The following TMF1 variants were observed in gnomAD, a reference collection of about 807,000 sequenced individuals.
The protein encoded by TMF1 is TATA element modulatory factor 1.
Under a neutral mutation model 126.5 loss-of-function variants are expected in TMF1, and 71 were observed. That is an observed-to-expected ratio of 0.56 (90% CI 0.46 to 0.68). The LOEUF (loss-of-function observed/expected upper bound fraction) is 0.68, where lower values mean the gene tolerates loss of function less well. Ranked by LOEUF, TMF1 falls within the 30% of genes least tolerant of loss-of-function variation. The probability of loss-of-function intolerance (pLI) is 0.00; values close to 1 mark genes in which losing one functional copy is unlikely to be tolerated. For synonymous variants in TMF1, 461 were observed against 430.5 expected (o/e 1.07, Z -0.88); for missense variants, 1,259 against 1,253.2 (o/e 1.00, Z -0.07).
In TMF1 at chr3:69,023,249, T is replaced by C. The variant is rs531572515; in HGVS notation, c.3210A>G (p.Arg1070=). ...GEKAEEAEEL[R]LDLEDVKNMY... ...TATTTTTTACATCTTCGAGATCTAA[T>C]CGAAGTTCTTCTGCCTCTTCTGCTT... The change falls in exon 17 of 17, where the codon CGA becomes CGG. Residue 1070 remains arginine, a synonymous_variant. Coordinates refer to ENST00000398559, the MANE Select transcript of TMF1 (RefSeq NM_007114.3). 6.2e-7 allele frequency: 1 copy of C among 1,611,964 alleles called. No individual in the cohort carries two copies. Among genetic ancestry groups the C allele is most frequent in the Non-Finnish European group, 8.5e-7 (1 of 1,178,600 alleles).
In TMF1 at chr3:69,023,203, CATCT is replaced by C; in HGVS notation, c.3252_3255del (p.Ile1084MetfsTer4). The C allele has an allele frequency of 1.2e-6, 2 of 1,610,574 alleles. No individual in the cohort carries two copies. The highest frequency in any genetic ancestry group is 1.1e-5 in the South Asian group (1 of 90,744). On this transcript the variant is annotated frameshift_variant, in exon 17 of 17. Coordinates refer to ENST00000398559, the MANE Select transcript of TMF1 (RefSeq NM_007114.3). LOFTEE classifies it high-confidence loss of function. ...TAACTGAGACTTTGTCTTAAAAGTT[CATCT>C]ATTTGAGTTTTGTACATATTTTTTA...
Position 69,022,763 on chromosome 3 carries a change from A to C in TMF1, c.*414T>G, listed in dbSNP as rs1012426730. The C allele has an allele frequency of 6.6e-6, 1 of 152,630 alleles. No individual in the cohort carries two copies. Among genetic ancestry groups the C allele is most frequent in the Non-Finnish European group, 1.5e-5 (1 of 68,102 alleles). 9.5% of individuals were successfully genotyped at this position (152,630 alleles called of 1,614,324 possible). ...AAATTTTAAATGTGAAAGATTTCAA[A>C]GTTTCAGTATGTTAACATTACTCTT... On this transcript the variant is annotated 3_prime_UTR_variant, in exon 17 of 17. Transcript: ENST00000398559.
In TMF1 at chr3:69,029,919, G is replaced by A. The variant is rs777921802; in HGVS notation, c.2490C>T (p.Ser830=). The change falls in exon 11 of 17, where the codon TCC becomes TCT. Residue 830 remains serine, a synonymous_variant. Transcript: ENST00000398559. The part of the protein sequence containing the change: ...ELLANKIQMS[S]MESQNSLLRQ... ...TTAAAAGAGAATTCTGTGACTCCAT[G>A]GAAGACATCTGAATTTTGTTAGCAA... The A allele has an allele frequency of 1.9e-6, 3 of 1,614,078 alleles. No homozygotes were observed. The highest frequency in any genetic ancestry group is 2.5e-6 in the Non-Finnish European group (3 of 1,179,984).
intron 8 of TMF1, among the ~76,000 whole-genome samples, chr3:69,037,743 T>C (rs2107463074): frequency 6.6e-6 from 1 of 151,958 alleles, no homozygotes; most frequent in East Asian, 1.9e-4. Flanking sequence ...GAGGCAGAGG[T>C]TGCAGTGAGC....
At chr3:69,028,039 T>G in intron 12 of TMF1, 47 bp from the exon 13 acceptor site, 1 of 1,256,210 alleles carries the variant, frequency 8.0e-7, no homozygotes, top group Non-Finnish European at 1.2e-6. Context: ...TAGTAATTCA[T>G]GCCATGATAA....
intron 9 of TMF1, 77 bp from the exon 10 acceptor site, chr3:69,033,781 A>G (rs2107460400): frequency 1.5e-6 from 2 of 1,297,760 alleles, no homozygotes; most frequent in Non-Finnish European, 2.1e-6. Context: ...CTGAACTTTG[A>G]GAGGTTCCTG....
intron 15 of TMF1, chr3:69,025,340 T>C (rs1319908965): frequency 4.5e-6 from 2 of 447,404 alleles, no homozygotes; most frequent in African/African-American, 2.0e-5. Context: ...CAGCCGAATA[T>C]GCCTAATTCT....
intron 1 of TMF1, among the ~76,000 whole-genome samples, chr3:69,050,861 C>T (rs1314032680): frequency 6.6e-6 from 1 of 152,130 alleles, no homozygotes; most frequent in African/African-American, 2.4e-5. Context: ...GGTTCACATC[C>T]CCCAACACCA....
chr3:69,029,042 A>AC (rs549176751), intron 11 of TMF1, among the ~76,000 whole-genome samples: 3 of 146,238 alleles, frequency 2.1e-5, no homozygotes, highest in Non-Finnish European at 4.5e-5. Context: ...TACTTTATTT[A>AC]TTTTTTTTTT....
chr3:69,035,272 T>C, intron 8 of TMF1, 157 bp from the exon 9 acceptor site: 1 of 607,610 alleles, frequency 1.6e-6, no homozygotes, highest in Non-Finnish European at 2.9e-6. Flanking sequence ...CTCTCATTCA[T>C]CAAGCAATTC....
chr3:69,037,577 G>C (rs1017590618), intron 8 of TMF1, among the ~76,000 whole-genome samples: 1 of 152,156 alleles, frequency 6.6e-6, no homozygotes. Context: ...GGGAGGTGGA[G>C]GTTGCAATGA....
chr3:69,044,084 A>G (rs1293784558), intron 3 of TMF1, among the ~76,000 whole-genome samples: 1 of 152,226 alleles, frequency 6.6e-6, no homozygotes, highest in Non-Finnish European at 1.5e-5. Flanking sequence ...AATCTGTTAG[A>G]AAGAGAAAAT....
chr3:69,044,680 A>G (rs2091885837), intron 2 of TMF1, 85 bp from the exon 3 acceptor site: 6 of 785,124 alleles, frequency 7.6e-6, no homozygotes, highest in Non-Finnish European at 8.3e-6. Flanking sequence ...TGTAACAAAG[A>G]AAACAGCTTT....
intron 9 of TMF1, among the ~76,000 whole-genome samples, chr3:69,034,173 C>G (rs2091820061): frequency 6.6e-6 from 1 of 152,108 alleles, no homozygotes; most frequent in South Asian, 2.1e-4. Flanking sequence ...AATACAGTAT[C>G]TAAATAAGTA....
At chr3:69,041,106 T>G (rs2091861928) in intron 5 of TMF1, among the ~76,000 whole-genome samples, 1 of 152,106 alleles carries the variant, frequency 6.6e-6, no homozygotes, top group Admixed American at 6.6e-5. Flanking sequence ...AATTACAAAA[T>G]AATAACATTC....
Position 69,022,978 on chromosome 3 carries a change from A to G in TMF1, c.*199T>C. 2 of 451,322 alleles carry G rather than the reference A, an allele frequency of 4.4e-6. No homozygotes were observed. Among genetic ancestry groups the G allele is most frequent in the Non-Finnish European group, 7.7e-6 (2 of 261,030 alleles). 28.0% of individuals were successfully genotyped at this position (451,322 alleles called of 1,614,324 possible). On this transcript the variant is annotated 3_prime_UTR_variant, in exon 17 of 17. Coordinates refer to ENST00000398559, the MANE Select transcript of TMF1 (RefSeq NM_007114.3). ...AAATAAATCTTTAAAGAATAGTTTC[A>G]AAAATAAAGTTCAAATATTGCACAA...
At chr3:69,035,259 CAT>C (rs1389386371) in intron 8 of TMF1, 144 bp from the exon 9 acceptor site, 3 of 629,034 alleles carry the variant, frequency 4.8e-6, no homozygotes, top group African/African-American at 3.7e-5. Flanking sequence ...ATGATTATCA[CAT>C]CTCTCATTCA....
chr3:69,040,839 T>C (rs576890650), intron 5 of TMF1, among the ~76,000 whole-genome samples: 3 of 152,030 alleles, frequency 2.0e-5, no homozygotes, highest in Non-Finnish European at 4.4e-5. Context: ...GGAGAATTGC[T>C]TGAACCTGGG....
At position 69,047,752 on chromosome 3, in the gene TMF1, C is replaced by A. The variant is rs1398878254; in HGVS notation, c.953G>T (p.Cys318Phe). The change falls in exon 2 of 17, where the codon TGT becomes TTT. Residue 318 changes from cysteine to phenylalanine, a missense_variant. Physicochemically the swap from Cys to Phe is radical, Grantham distance 205. Transcript: ENST00000398559. ...DDFQKLTESC[C>F]SSDAFERIDS... ...TATTCTTTCAAAAGCATCAGATGAA[C>A]AGCAACTCTCAGTGAGTTTTTGGAA... The A allele has an allele frequency of 6.2e-7, 1 of 1,614,050 alleles. No homozygotes were observed. The highest frequency in any genetic ancestry group is 1.7e-5 in the Admixed American group (1 of 60,002).
Sources: gnomAD v4.1 joint callset for allele counts (sites outside exome capture counted in the v4.1 genomes callset) on GRCh38, gnomAD v4.1.1 for gene constraint, MANE v1.5 for transcripts, NCBI Gene and HGNC (gene_info 2026-07-23, HGNC 2026-07-21) for gene names.